Variants in TTN observed in about 807,000 individuals in gnomAD.
The protein encoded by TTN is connectin.
In TTN, 1,525 loss-of-function variants were observed where a neutral mutation model predicts 3,223.0. That is an observed-to-expected ratio of 0.47 (90% confidence interval 0.45 to 0.49). TTN has a LOEUF of 0.49. Ranked by LOEUF, TTN falls within the 20% of genes least tolerant of loss-of-function variation. TTN has a pLI of 0.00. For synonymous variants in TTN, 14,094 were observed against 15,161.0 expected (o/e 0.93, Z 5.17); for missense variants, 40,786 against 43,424.0 (o/e 0.94, Z 5.40).
intron 30 of TTN, 44 bp from the exon 31 acceptor site, chr2:178,774,154 T>G (rs1042381941): frequency 1.2e-6 from 2 of 1,613,948 alleles, no homozygotes; most frequent in African/African-American, 2.7e-5. Context: ...TCATTTTTTA[T>G]CAATAAACCA....
Position 178,561,766 on chromosome 2 carries a change from TC to T in TTN, c.84365del (p.Gly28122GlufsTer52), listed in dbSNP as rs750146750. On this transcript the variant is annotated frameshift_variant, in exon 326 of 363. Coordinates refer to ENST00000589042, the MANE Select transcript of TTN (RefSeq NM_001267550.2). LOFTEE classifies it high-confidence loss of function. ...CACAAACACGGAACTGATACTCACT[TC>T]CTGTTGTCAGGCGAACTATTTTAAT... is the stretch of plus-strand genomic sequence containing the variant. ...TSIKIVRLTT[G>X]SEYQFRVCAE... 6.2e-7 allele frequency: 1 copy of T among 1,613,662 alleles called. No individual in the cohort carries two copies. The highest frequency in any genetic ancestry group is 1.7e-5 in the Admixed American group (1 of 60,000).
chr2:178,612,216 C>T (rs751950102), intron 266 of TTN, 54 bp from the exon 267 acceptor site: 7 of 1,604,156 alleles, frequency 4.4e-6, no homozygotes, highest in Middle Eastern at 1.7e-4. Flanking sequence ...TGATAATCTC[C>T]TGTCACAAAA....
At chr2:178,760,071 G>C (rs1215928304) in intron 43 of TTN, among the ~76,000 whole-genome samples, 1 of 152,164 alleles carries the variant, frequency 6.6e-6, no homozygotes, top group African/African-American at 2.4e-5. Context: ...AACCATCCAA[G>C]ATGATCTTCT....
At chr2:178,588,320 T>G (rs553012099) in intron 304 of TTN, 101 bp from the exon 305 acceptor site, 1 of 1,220,052 alleles carries the variant, frequency 8.2e-7, no homozygotes, top group South Asian at 1.9e-5. Context: ...GTCATCCAAT[T>G]TTTCAATTAG....
chr2:178,675,702 AC>A lies in TTN; in HGVS notation c.34505del (p.Gly11502ValfsTer37). 7.0e-7 allele frequency: 1 copy of A among 1,427,096 alleles called. No homozygotes were observed. Among genetic ancestry groups the A allele is most frequent in the Non-Finnish European group, 9.1e-7 (1 of 1,099,990 alleles). 88.4% of individuals were successfully genotyped at this position (1,427,096 alleles called of 1,614,324 possible). ...PEPEKKVPPPGLKKAVAPPAK... is the reference protein window; with the variant it reads ...PEPEKKVPPPXLKKAVAPPAK... Reference sequence around the variant, plus strand: ...CAGGAGGGGCCACTGCTTTCTTAAGACCAGGAGGAGGGACCTTCTTTTCTGG... The same window carrying A: ...CAGGAGGGGCCACTGCTTTCTTAAGACAGGAGGAGGGACCTTCTTTTCTGG... On this transcript the variant is annotated frameshift_variant, in exon 149 of 363. Coordinates refer to ENST00000589042, the MANE Select transcript of TTN (RefSeq NM_001267550.2). LOFTEE classifies it high-confidence loss of function.
intron 47 of TTN, chr2:178,747,080 G>A (rs2083818863): frequency 1.2e-6 from 2 of 1,612,136 alleles, no homozygotes; most frequent in East Asian, 2.2e-5. Flanking sequence ...TGGGGGTGTG[G>A]AATATCGCTC....
In TTN at chr2:178,573,351, G is replaced by A. The variant is rs1275789320; in HGVS notation, c.72781C>T (p.Arg24261Trp). Residue 24261 changes from arginine (R) to tryptophan (W), a missense_variant, in exon 326 of 363, where the codon CGG becomes TGG. Physicochemically the swap from Arg to Trp is moderately radical, Grantham distance 101 (BLOSUM62 -3). Coordinates refer to ENST00000589042, the MANE Select transcript of TTN (RefSeq NM_001267550.2). ...GSEIINYIVE[R>W]RDKAGQRWIK... Reference sequence around the variant, plus strand: ...CAGCGTTGGCCAGCTTTATCACGCCGTTCCACAATATAATTGATGATTTCA... The same window carrying A: ...CAGCGTTGGCCAGCTTTATCACGCCATTCCACAATATAATTGATGATTTCA... 8.5e-6 allele frequency: 13 copies of A among 1,534,764 alleles called. No individual in the cohort carries two copies. Among genetic ancestry groups the A allele is most frequent in the East Asian group, 4.5e-5 (2 of 44,020 alleles).
At chr2:178,673,189 A>G (rs2067313341) in intron 152 of TTN, among the ~76,000 whole-genome samples, 1 of 151,868 alleles carries the variant, frequency 6.6e-6, no homozygotes, top group African/African-American at 2.4e-5. Flanking sequence ...ATAACCTTGA[A>G]TGCTTGGGCT....
In TTN at chr2:178,674,402, C is replaced by A; in HGVS notation, c.34620G>T (p.Glu11540Asp). The A allele has an allele frequency of 6.5e-7, 1 of 1,547,154 alleles. No individual in the cohort carries two copies. The highest frequency in any genetic ancestry group is 8.8e-7 in the Non-Finnish European group (1 of 1,136,560). Residue 11540 changes from glutamate (E) to aspartate (D), a missense_variant, in exon 151 of 363, where the codon GAG becomes GAT. Transcript: ENST00000589042. ...CTGAAATAGGCTCTTCTTCAGGCTC[C>A]TCAGTCACTTTAAAAAGATTATTAT... ...EEEVLPVEVT[E>D]EPEEEPISEE... is the part of the protein sequence containing the mutation.
rs1042759526 is a variant in TTN, at chr2:178,547,286, G to T, written c.94239C>A (p.Thr31413=). 4 of 1,609,904 alleles carry T rather than the reference G, an allele frequency of 2.5e-6. No individual in the cohort carries two copies. Among genetic ancestry groups the T allele is most frequent in the Middle Eastern group, 3.3e-4 (2 of 6,038 alleles). Residue 31413 remains threonine, a synonymous_variant, in exon 340 of 363, where the codon ACC becomes ACA. Transcript: ENST00000589042. The part of the protein sequence containing the change: ...EHPFVPPSAP[T]RPEVYHVSAN... ...CAGACACATGGTAGACCTCAGGTCTGGTAGGAGCGCTTGGTGGGACTAAAT... is the reference window on the plus strand; with the variant it reads ...CAGACACATGGTAGACCTCAGGTCTTGTAGGAGCGCTTGGTGGGACTAAAT...
Position 178,646,572 on chromosome 2 carries a change from T to C in TTN, c.40223-13A>G. The C allele has an allele frequency of 2.0e-6, 3 of 1,511,482 alleles. No individual in the cohort carries two copies. Among genetic ancestry groups the C allele is most frequent in the Non-Finnish European group, 2.7e-6 (3 of 1,114,690 alleles). 93.6% of individuals were successfully genotyped at this position (1,511,482 alleles called of 1,614,324 possible). ...TCAATTTCACGTTCTTTAAAGAATG[T>C]TGACAAAGGAGATGAGGTTGCAATG... On this transcript the variant is annotated splice_polypyrimidine_tract_variant and intron_variant, in intron 215 of 362. Coordinates refer to ENST00000589042, the MANE Select transcript of TTN (RefSeq NM_001267550.2).
intron 359 of TTN, 90 bp downstream of exon 359, chr2:178,529,870 C>G (rs544919156): frequency 3.2e-5 from 42 of 1,319,014 alleles, no homozygotes; most frequent in South Asian, 2.5e-4. Flanking sequence ...TTAATACTTT[C>G]TTGTATGTGT....
intron 47 of TTN, chr2:178,749,179 C>CT: frequency 6.2e-7 from 1 of 1,611,292 alleles, no homozygotes; most frequent in South Asian, 1.1e-5. Context: ...GTACATTTTC[C>CT]TTTTCTGATC....
chr2:178,539,391 T>C lies in TTN; in HGVS notation c.98674A>G (p.Thr32892Ala). Residue 32892 changes from threonine (T) to alanine (A), a missense_variant, in exon 352 of 363, where the codon ACA becomes GCA. Coordinates refer to ENST00000589042, the MANE Select transcript of TTN (RefSeq NM_001267550.2). ...LKSEEPVTPK[T>A]PLNPPEPPSN... is the part of the protein sequence containing the mutation. ...TTGAAAGGGCACTTACTCAATGGTGTTTTTGGTGTGACTGGTTCCTCAGAT... is the reference window on the plus strand; with the variant it reads ...TTGAAAGGGCACTTACTCAATGGTGCTTTTGGTGTGACTGGTTCCTCAGAT... 6.2e-7 allele frequency: 1 copy of C among 1,610,634 alleles called. No individual in the cohort carries two copies. The highest frequency in any genetic ancestry group is 1.1e-5 in the South Asian group (1 of 90,986).
At position 178,571,144 on chromosome 2, in the gene TTN, T is replaced by C. The variant is rs933609400; in HGVS notation, c.74988A>G (p.Lys24996=). 1 of 1,613,368 alleles carries C rather than the reference T, an allele frequency of 6.2e-7. No homozygotes were observed. Among genetic ancestry groups the C allele is most frequent in the Non-Finnish European group, 8.5e-7 (1 of 1,179,606 alleles). Residue 24996 remains lysine (K), a synonymous_variant, in exon 326 of 363, where the codon AAA becomes AAG. Coordinates refer to ENST00000589042, the MANE Select transcript of TTN (RefSeq NM_001267550.2). The part of the protein sequence containing the change: ...ENIVGIGKPS[K]VSECYVARDP... ...CACGAGCCACATAACATTCTGATACTTTACTCGGCTTGCCAATGCCCACGA... is the reference window on the plus strand; with the variant it reads ...CACGAGCCACATAACATTCTGATACCTTACTCGGCTTGCCAATGCCCACGA...
chr2:178,799,789 C>T (rs1234897214), intron 5 of TTN, 36 bp downstream of exon 5: 1 of 1,614,034 alleles, frequency 6.2e-7, no homozygotes, highest in African/African-American at 1.3e-5. Flanking sequence ...ACGCAACAGC[C>T]TGAAAGGCTT....
chr2:178,763,902 A>AG (rs2089837599), intron 43 of TTN, among the ~76,000 whole-genome samples: 1 of 148,332 alleles, frequency 6.7e-6, no homozygotes, highest in South Asian at 2.2e-4. Context: ...TAAAGGGAAC[A>AG]TGACCTTTTT....
Position 178,663,832 on chromosome 2 carries a change from G to A in TTN, c.36435C>T (p.Val12145=). 6.2e-7 allele frequency: 1 copy of A among 1,613,404 alleles called. No individual in the cohort carries two copies. Among genetic ancestry groups the A allele is most frequent in the African/African-American group, 1.3e-5 (1 of 75,014 alleles). Residue 12145 remains valine, a synonymous_variant, in exon 170 of 363, where the codon GTC becomes GTT. Transcript: ENST00000589042. ...AGTGGCAACTACCTTTAACAGGTGG[G>A]ACTTCAGGCTCTTTAGGAGGAGCCA... The part of the protein sequence containing the change: ...VPLAPPKEPE[V]PPVKVPEPPK...
rs767405843 is a variant in TTN, at chr2:178,534,365, C to T, written c.102250G>A (p.Val34084Ile). 2 of 1,611,360 alleles carry T rather than the reference C, an allele frequency of 1.2e-6. No individual in the cohort carries two copies. Among genetic ancestry groups the T allele is most frequent in the South Asian group, 1.1e-5 (1 of 91,080 alleles). ...CGCCGGTGTTTTAATGTTCTGATAA[C>T]TTTAGTACTGACTCTTTCTATCTTC... is the stretch of plus-strand genomic sequence containing the variant. ...KQKIERVSTK[V>I]IRTLKHRRYY... Residue 34084 changes from valine (V) to isoleucine (I), a missense_variant, in exon 358 of 363, where the codon GTT becomes ATT. Val to Ile is a conservative substitution (Grantham distance 29). Transcript: ENST00000589042.
Sources: gnomAD v4.1 joint callset for allele counts (sites outside exome capture counted in the v4.1 genomes callset) on GRCh38, gnomAD v4.1.1 for gene constraint, MANE v1.5 for transcripts, NCBI Gene and HGNC (gene_info 2026-07-23, HGNC 2026-07-21) for gene names.